The following CLSTN2 variants were observed in gnomAD, a reference collection of about 807,000 sequenced individuals.
The protein encoded by CLSTN2 is calsyntenin 2, also known as calsyntenin-2.
In CLSTN2, 48 loss-of-function variants were observed where a neutral mutation model predicts 101.2. The ratio of observed to expected loss-of-function variants is 0.47; its 90% confidence interval spans 0.38 to 0.60. CLSTN2 has a LOEUF of 0.60. Ranked by LOEUF, CLSTN2 falls within the 20% of genes least tolerant of loss-of-function variation. The pLI, the probability that CLSTN2 is intolerant of heterozygous loss-of-function variation, is 0.00. For synonymous variants in CLSTN2, 481 were observed against 463.6 expected, an observed-to-expected ratio of 1.04 and a Z score of -0.48; for missense variants, 1,160 against 1,238.2, an observed-to-expected ratio of 0.94 and a Z score of 0.95.
At chr3:140,140,871 T>C (rs1403453584) in intron 1 of CLSTN2, among the ~76,000 whole-genome samples, 2 of 152,184 alleles carry the variant, frequency 1.3e-5, no homozygotes, top group Non-Finnish European at 2.9e-5. Context: ...TTCCCAGCCA[T>C]GTTCCAGGCA....
intron 2 of CLSTN2, among the ~76,000 whole-genome samples, chr3:140,215,993 C>T (rs1576470321): frequency 6.6e-6 from 1 of 152,154 alleles, no homozygotes; most frequent in African/African-American, 2.4e-5. Flanking sequence ...ATTACTGGTC[C>T]ATGGCCTGTT....
At chr3:140,279,927 T>TAA (rs2086829008) in intron 2 of CLSTN2, among the ~76,000 whole-genome samples, 1 of 152,164 alleles carries the variant, frequency 6.6e-6, no homozygotes, top group Non-Finnish European at 1.5e-5. Context: ...AGGTGCACAA[T>TAA]AAGCCATCAC....
chr3:140,173,242 A>T (rs2010267280), intron 1 of CLSTN2, among the ~76,000 whole-genome samples: 1 of 152,200 alleles, frequency 6.6e-6, no homozygotes, highest in Non-Finnish European at 1.5e-5. Flanking sequence ...GGCCCATGCA[A>T]GTCCAAAATC....
chr3:140,545,599 T>G (rs1413984284), intron 9 of CLSTN2, among the ~76,000 whole-genome samples: 2 of 152,214 alleles, frequency 1.3e-5, no homozygotes, highest in African/African-American at 4.8e-5. Context: ...GGAAGGAGCC[T>G]GTGCTCAGTA....
chr3:140,234,081 G>A (rs1240712927), intron 2 of CLSTN2, among the ~76,000 whole-genome samples: 1 of 152,168 alleles, frequency 6.6e-6, no homozygotes, highest in Non-Finnish European at 1.5e-5. Flanking sequence ...TTGTTCATGA[G>A]CATCTGGGCC....
At chr3:140,368,658 A>C (rs1310634966) in intron 2 of CLSTN2, among the ~76,000 whole-genome samples, 1 of 152,118 alleles carries the variant, frequency 6.6e-6, no homozygotes, top group Non-Finnish European at 1.5e-5. Flanking sequence ...TGACTAGCAC[A>C]GGTAGGGAAT....
chr3:140,085,656 T>C (rs1210023802), intron 1 of CLSTN2, among the ~76,000 whole-genome samples: 2 of 152,144 alleles, frequency 1.3e-5, no homozygotes, highest in Non-Finnish European at 2.9e-5. Context: ...TTTATATATC[T>C]TCTCTGAACA....
chr3:140,222,993 T>A (rs2086288761), intron 2 of CLSTN2, among the ~76,000 whole-genome samples: 1 of 152,170 alleles, frequency 6.6e-6, no homozygotes, highest in South Asian at 2.1e-4. Context: ...GTTGTAGATA[T>A]GGGGAAACTG....
chr3:140,153,429 T>C (rs912916049), intron 1 of CLSTN2, among the ~76,000 whole-genome samples: 2 of 152,240 alleles, frequency 1.3e-5, no homozygotes, highest in African/African-American at 4.8e-5. Flanking sequence ...CCAGCAGCAG[T>C]GCAGAGCAGG....
At chr3:140,191,090 A>G (rs1576461631) in intron 2 of CLSTN2, among the ~76,000 whole-genome samples, 1 of 151,784 alleles carries the variant, frequency 6.6e-6, no homozygotes, top group South Asian at 2.1e-4. Context: ...GCAGTTCTTT[A>G]TTTTTGGGTT....
At chr3:140,528,357 C>A (rs1474570942) in intron 8 of CLSTN2, among the ~76,000 whole-genome samples, 1 of 152,108 alleles carries the variant, frequency 6.6e-6, no homozygotes, top group African/African-American at 2.4e-5. Flanking sequence ...CCTTATTGCA[C>A]ACTCTTCACC....
chr3:140,300,161 A>T (rs893217534), intron 2 of CLSTN2, among the ~76,000 whole-genome samples: 3 of 152,220 alleles, frequency 2.0e-5, no homozygotes, highest in African/African-American at 7.2e-5. Flanking sequence ...TAGGATGCCA[A>T]AATCTGCAGT....
intron 8 of CLSTN2, among the ~76,000 whole-genome samples, chr3:140,491,814 C>T (rs763094131): frequency 2.6e-5 from 4 of 152,234 alleles, no homozygotes; most frequent in South Asian, 2.1e-4. Flanking sequence ...TGGAGTGAGA[C>T]GCTGTCTCAA....
At chr3:140,151,824 T>G (rs2009871159) in intron 1 of CLSTN2, among the ~76,000 whole-genome samples, 1 of 152,202 alleles carries the variant, frequency 6.6e-6, no homozygotes, top group Non-Finnish European at 1.5e-5. Flanking sequence ...AAGACAATCA[T>G]GGGGACTTGG....
intron 2 of CLSTN2, among the ~76,000 whole-genome samples, chr3:140,401,174 G>T (rs752368447): frequency 2.0e-5 from 3 of 152,250 alleles, no homozygotes; most frequent in Non-Finnish European, 2.9e-5. Context: ...ATGAATGAAT[G>T]TTTTTGCAAC....
At chr3:140,086,543 GTTA>G (rs890005064) in intron 1 of CLSTN2, among the ~76,000 whole-genome samples, 1 of 152,188 alleles carries the variant, frequency 6.6e-6, no homozygotes, top group Non-Finnish European at 1.5e-5. Flanking sequence ...AGTATTTGCT[GTTA>G]TTGTAATTAC....
intron 2 of CLSTN2, among the ~76,000 whole-genome samples, chr3:140,213,178 C>A (rs1380753213): frequency 6.6e-6 from 1 of 152,228 alleles, no homozygotes; most frequent in African/African-American, 2.4e-5. Flanking sequence ...TCCTCTCTGA[C>A]TACCACCTTC....
intron 1 of CLSTN2, among the ~76,000 whole-genome samples, chr3:140,022,561 C>T (rs576533066): frequency 4.6e-5 from 7 of 152,246 alleles, no homozygotes; most frequent in South Asian, 2.1e-4. Flanking sequence ...GCAGGAGGGA[C>T]GGCTGCACAA....
At chr3:140,443,343 A>G (rs1933002245) in intron 5 of CLSTN2, among the ~76,000 whole-genome samples, 1 of 152,256 alleles carries the variant, frequency 6.6e-6, no homozygotes. Context: ...CAACAGCGCC[A>G]AAGCCTATGC....
Sources: allele counts gnomAD v4.1 joint callset (sites outside exome capture counted in the v4.1 genomes callset), GRCh38; gene constraint gnomAD v4.1.1; transcripts MANE v1.5; gene names NCBI Gene and HGNC (gene_info 2026-07-23, HGNC 2026-07-21).